Variants in RGS6 observed in about 807,000 individuals in gnomAD.
The protein encoded by RGS6 is regulator of G-protein signaling 6.
RGS6 carries 30 observed loss-of-function variants against 78.5 expected under a neutral mutation model. The observed-to-expected ratio is 0.38, with a 90% CI of 0.29 to 0.52. The LOEUF (loss-of-function observed/expected upper bound fraction) is 0.52. Among genes scored for constraint, RGS6 ranks in the 20% least tolerant of loss-of-function variants. The probability of loss-of-function intolerance (pLI) is 0.85; values close to 1 mark genes in which losing one functional copy is unlikely to be tolerated. For synonymous variants in RGS6, 206 were observed against 206.0 expected (o/e 1.00, Z 0.00); for missense variants, 495 against 609.7 (o/e 0.81, Z 1.98).
chr14:72,556,017 A>G (rs563099436), intron 17 of RGS6, among the ~76,000 whole-genome samples: 2 of 152,362 alleles, frequency 1.3e-5, no homozygotes, highest in East Asian at 1.9e-4. Context: ...AAACAGGCCC[A>G]TGGGAGATCA....
Position 72,002,648 on chromosome 14 carries a change from T to A in RGS6, c.84+37773T>A, listed in dbSNP as rs2083705294. 2.0e-5 allele frequency among the ~76,000 whole-genome samples: 3 copies of A among 152,274 alleles called. No homozygotes were observed. In the South Asian group the frequency reaches 6.2e-4, roughly 32 times the overall value. On this transcript the variant is annotated intron_variant, in intron 2 of 17. Transcript: ENST00000553525. ...CCCTGGGCTCCTTGGGGATGGCTAA[T>A]GACAATGATTATGGAGGAGGCTGCA...
At chr14:72,263,245 G>T (rs1358730832) in intron 2 of RGS6, among the ~76,000 whole-genome samples, 2 of 152,168 alleles carry the variant, frequency 1.3e-5, no homozygotes, top group African/African-American at 4.8e-5. Flanking sequence ...GTCCAGAGAA[G>T]GTCCAAATTA....
intron 2 of RGS6, among the ~76,000 whole-genome samples, chr14:72,197,779 C>A (rs2040539956): frequency 6.6e-6 from 1 of 151,966 alleles, no homozygotes; most frequent in Non-Finnish European, 1.5e-5. Flanking sequence ...CCCAGTGGGT[C>A]ACGCCCACCA....
intron 2 of RGS6, among the ~76,000 whole-genome samples, chr14:71,965,130 G>A (rs576220931): frequency 1.3e-5 from 2 of 152,300 alleles, no homozygotes; most frequent in East Asian, 3.9e-4. Flanking sequence ...ATGCAGATGG[G>A]AAGACACATT....
chr14:72,584,032 A>T, the RGS6 span, among the ~76,000 whole-genome samples: 3 of 152,226 alleles, frequency 2.0e-5, no homozygotes, highest in African/African-American at 4.8e-5. Context: ...GTGGCCAAGG[A>T]AGCAGGGGGT....
At chr14:71,873,489 T>A in the RGS6 span, among the ~76,000 whole-genome samples, 4 of 151,912 alleles carry the variant, frequency 2.6e-5, no homozygotes, top group African/African-American at 9.7e-5. Flanking sequence ...TGATGGGGTT[T>A]TTTGATTTTT....
At chr14:72,347,953 C>A (rs767677737) in intron 2 of RGS6, among the ~76,000 whole-genome samples, 2 of 152,172 alleles carry the variant, frequency 1.3e-5, no homozygotes, top group Non-Finnish European at 2.9e-5. Flanking sequence ...TTGCCATGTT[C>A]AGCTCAAGAT....
intron 2 of RGS6, among the ~76,000 whole-genome samples, chr14:72,343,730 C>T (rs2077466067): frequency 6.6e-6 from 1 of 152,204 alleles, no homozygotes; most frequent in African/African-American, 2.4e-5. Context: ...ATGGAGCCAG[C>T]TCTGGTTCAT....
In RGS6 at chr14:72,443,079, A is replaced by G. The variant is rs561895905; in HGVS notation, c.185-11449A>G. Among the ~76,000 whole-genome samples the G allele has an allele frequency of 3.2e-4, 48 of 152,232 alleles. 1 individual carries two copies. Among genetic ancestry groups the G allele is most frequent in the South Asian group, 8.3e-4 (4 of 4,808 alleles). ...GGAGATGGGGCAGAAAGGCTAAATT[A>G]TAACTTAGGAATCTCCACCAGGAGA... is the stretch of plus-strand genomic sequence containing the variant. On this transcript the variant is annotated intron_variant, in intron 3 of 17. Coordinates refer to ENST00000553525, the MANE Select transcript of RGS6 (RefSeq NM_001204424.2).
At chr14:71,950,065 G>C (rs894426068) in intron 1 of RGS6, among the ~76,000 whole-genome samples, 11 of 152,036 alleles carry the variant, frequency 7.2e-5, no homozygotes, top group African/African-American at 2.4e-4. Flanking sequence ...TTAATTACGT[G>C]AGCTTTATAG....
rs1427599106 is a variant in RGS6 at position 72,313,150 on chromosome 14, T to C, written c.85-38945T>C. 3.3e-5 allele frequency among the ~76,000 whole-genome samples: 5 copies of C among 152,198 alleles called. No individual in the cohort carries two copies. The East Asian group carries it at 5.8e-4, about 18-fold the overall frequency. On this transcript the variant is annotated intron_variant, in intron 2 of 17. Coordinates refer to ENST00000553525, the MANE Select transcript of RGS6 (RefSeq NM_001204424.2). Reference sequence around the variant, plus strand: ...TCAACATCTTCAGTTGGGGATAGCGTCCTACCATCTCCCTCATAGAGGAGT... The same window carrying C: ...TCAACATCTTCAGTTGGGGATAGCGCCCTACCATCTCCCTCATAGAGGAGT...
chr14:72,496,086 TATAAAA>T (rs1269116312), intron 13 of RGS6, among the ~76,000 whole-genome samples: 1 of 152,236 alleles, frequency 6.6e-6, no homozygotes, highest in Admixed American at 6.5e-5. Context: ...GAAAAAATCT[TATAAAA>T]ATAATAAAAG....
At chr14:72,149,403 A>G (rs1248232462) in intron 2 of RGS6, among the ~76,000 whole-genome samples, 3 of 152,164 alleles carry the variant, frequency 2.0e-5, no homozygotes, top group African/African-American at 7.2e-5. Flanking sequence ...AAACCACCAC[A>G]TGGCGGGGCA....
chr14:72,405,196 T>G lies in RGS6; in HGVS notation c.185-49332T>G, dbSNP rs2092814026. ...GCACCAGCAAAGTGGCAGGAATGTG[T>G]CCCTGCAGGGTCTTTGCTGCCTTCC... On this transcript the variant is annotated intron_variant, in intron 3 of 17. Transcript: ENST00000553525. Among the ~76,000 whole-genome samples the G allele has an allele frequency of 1.3e-5, 2 of 152,144 alleles. 1 individual carries two copies. The highest frequency in any genetic ancestry group is 4.1e-4 in the South Asian group (2 of 4,832).
At chr14:71,990,196 G>A (rs1860105) in intron 2 of RGS6, among the ~76,000 whole-genome samples, 11,935 of 151,956 alleles carry the variant, frequency 0.079, 627 homozygotes, top group East Asian at 0.21. Flanking sequence ...AGGGTTCTAC[G>A]CCTATAACTC....
chr14:72,475,039 C>T (rs918543540), intron 10 of RGS6, among the ~76,000 whole-genome samples: 1 of 151,904 alleles, frequency 6.6e-6, no homozygotes, highest in Non-Finnish European at 1.5e-5. Flanking sequence ...GGGGGGCTTC[C>T]CAAGGGCTTC....
chr14:72,437,076 T>A (rs1199014628), intron 3 of RGS6, among the ~76,000 whole-genome samples: 3 of 150,118 alleles, frequency 2.0e-5, no homozygotes, highest in Non-Finnish European at 3.0e-5. Flanking sequence ...ATCCCAGCAC[T>A]TTGGGAGGCC....
At chr14:72,128,987 C>A (rs766953963) in intron 2 of RGS6, among the ~76,000 whole-genome samples, 1 of 152,180 alleles carries the variant, frequency 6.6e-6, no homozygotes, top group African/African-American at 2.4e-5. Context: ...AATGTCACCT[C>A]TTCAGCAGTT....
intron 2 of RGS6, among the ~76,000 whole-genome samples, chr14:72,062,336 C>T (rs868132388): frequency 1.4e-4 from 22 of 152,270 alleles, no homozygotes; most frequent in Middle Eastern, 3.4e-3. Context: ...GGAGATGAAG[C>T]CAGAGACGTG....
Sources: gnomAD v4.1 joint callset for allele counts (sites outside exome capture counted in the v4.1 genomes callset) on GRCh38, gnomAD v4.1.1 for gene constraint, MANE v1.5 for transcripts, NCBI Gene and HGNC (gene_info 2026-07-23, HGNC 2026-07-21) for gene names.